The following ADAMTS7 variants were observed in gnomAD, a reference collection of about 807,000 sequenced individuals.
The protein encoded by ADAMTS7 is ADAM metallopeptidase with thrombospondin type 1 motif 7, also known as A disintegrin and metalloproteinase with thrombospondin motifs 7.
In ADAMTS7, 89 loss-of-function variants were observed where a neutral mutation model predicts 172.6. The ratio of observed to expected loss-of-function variants is 0.52; its 90% CI spans 0.43 to 0.61. The LOEUF (loss-of-function observed/expected upper bound fraction) is 0.61. ADAMTS7 is among the 20% of genes least tolerant of loss of function. The pLI is 0.00. For missense variants in ADAMTS7, 1,973 were observed against 2,355.6 expected (o/e 0.84, Z 3.36); for synonymous variants, 885 against 978.4 (o/e 0.90, Z 1.78).
At chr15:78,805,748 A>G (rs1170857204) in intron 1 of ADAMTS7, among the ~76,000 whole-genome samples, 2 of 152,138 alleles carry the variant, frequency 1.3e-5, no homozygotes, top group Non-Finnish European at 2.9e-5. Flanking sequence ...TAGGTGCTCC[A>G]AAGTCCAGGA....
chr15:78,796,318 T>G (rs529844957), intron 4 of ADAMTS7, among the ~76,000 whole-genome samples: 38 of 152,142 alleles, frequency 2.5e-4, no homozygotes, highest in Non-Finnish European at 4.9e-4. Context: ...GGGTTGTGGC[T>G]GCCTCAGTCT....
At chr15:78,781,499 G>C (rs922620026) in intron 8 of ADAMTS7, among the ~76,000 whole-genome samples, 3 of 152,106 alleles carry the variant, frequency 2.0e-5, no homozygotes, top group African/African-American at 7.2e-5. Context: ...GGTTCTCCCC[G>C]GTGCCAAGGC....
At chr15:78,794,796 C>T (rs1330688963) in intron 4 of ADAMTS7, among the ~76,000 whole-genome samples, 3 of 152,334 alleles carry the variant, frequency 2.0e-5, no homozygotes, top group East Asian at 3.9e-4. Flanking sequence ...CAGCTCACTG[C>T]AACCTTCGCC....
chr15:78,800,617 G>A, intron 1 of ADAMTS7, 70 bp from the exon 2 acceptor site: 11 of 1,457,144 alleles, frequency 7.5e-6, no homozygotes, highest in South Asian at 1.2e-5. Flanking sequence ...CCGGGGACCA[G>A]AAGGGAGCGG....
chr15:78,778,401 T>C (rs1156383744), intron 8 of ADAMTS7, among the ~76,000 whole-genome samples: 1 of 152,204 alleles, frequency 6.6e-6, no homozygotes, highest in East Asian at 1.9e-4. Context: ...CCCTCAGGCA[T>C]GCTATTGCTT....
intron 13 of ADAMTS7, 103 bp downstream of exon 13, chr15:78,774,064 A>G (rs963362503): frequency 2.0e-6 from 3 of 1,517,968 alleles, no homozygotes; most frequent in Non-Finnish European, 2.6e-6. Context: ...GGGGCCCGCC[A>G]TGGCCCGAGG....
chr15:78,764,204 C>T lies in ADAMTS7; in HGVS notation c.4420-105G>A, dbSNP rs970556762. 371 of 1,393,968 alleles carry T rather than the reference C, an allele frequency of 2.7e-4. 3 individuals carry two copies. The highest frequency in any genetic ancestry group is 1.8e-3 in the Admixed American group (60 of 32,938). The allele number at this position is 1,393,968 out of a possible 1,614,324, so 86.3% of individuals were successfully genotyped here. ...AGGCATCCAGGCCCACGCCCCAGCC[C>T]GGGGGAATAGCTGAAGAACCCCAGC... On this transcript the variant is annotated intron_variant, in intron 20 of 23. Coordinates refer to ENST00000388820, the MANE Select transcript of ADAMTS7 (RefSeq NM_014272.5).
intron 1 of ADAMTS7, among the ~76,000 whole-genome samples, chr15:78,804,347 C>T (rs2055762363): frequency 6.6e-6 from 1 of 152,190 alleles, no homozygotes; most frequent in Admixed American, 6.5e-5. Flanking sequence ...ATGCTTTCCC[C>T]CCTCTTTTCC....
intron 1 of ADAMTS7, among the ~76,000 whole-genome samples, chr15:78,801,180 G>GTCTTACTCTA (rs1567241848): frequency 2.4e-4 from 37 of 152,254 alleles, no homozygotes; most frequent in African/African-American, 8.7e-4. Flanking sequence ...GTCTTACTCT[G>GTCTTACTCTA]CTCATCGTCT....
chr15:78,786,138 C>A (rs2055499579), intron 8 of ADAMTS7, among the ~76,000 whole-genome samples: 1 of 151,646 alleles, frequency 6.6e-6, no homozygotes, highest in African/African-American at 2.4e-5. Flanking sequence ...CCATGTTGGC[C>A]AGGCTTGTCT....
At chr15:78,779,471 G>T (rs1456779224) in intron 8 of ADAMTS7, among the ~76,000 whole-genome samples, 1 of 152,172 alleles carries the variant, frequency 6.6e-6, no homozygotes, top group Non-Finnish European at 1.5e-5. Context: ...CCAGTGCAGG[G>T]CTCCTCCCAT....
rs2869859 is a variant in ADAMTS7, at chr15:78,782,437, C to G, written c.1323-4849G>C. ...AGGCCAGCATCCTTGCTCTTACATC[C>G]CTAATGGACCTGGTCACATCCCTGC... On this transcript the variant is annotated intron_variant, in intron 8 of 23. Coordinates refer to ENST00000388820, the MANE Select transcript of ADAMTS7 (RefSeq NM_014272.5). Among the ~76,000 whole-genome samples, 979 of 138,348 alleles carry G rather than the reference C, an allele frequency of 7.1e-3. 9 individuals carry two copies. The highest frequency in any genetic ancestry group is 0.024 in the African/African-American group (891 of 36,562). 90.8% of individuals were successfully genotyped at this position (138,348 alleles called of 152,430 possible).
intron 23 of ADAMTS7, among the ~76,000 whole-genome samples, chr15:78,761,746 G>C (rs1481674279): frequency 3.3e-5 from 5 of 151,008 alleles, no homozygotes; most frequent in Non-Finnish European, 1.5e-5. Context: ...GTGTGTTGGC[G>C]TGTGTGTGTG....
chr15:78,773,679 G>A (rs376228093), intron 13 of ADAMTS7, among the ~76,000 whole-genome samples: 5 of 152,042 alleles, frequency 3.3e-5, no homozygotes, highest in Non-Finnish European at 4.4e-5. Flanking sequence ...AGGAGAGGCC[G>A]TCATTGTTAT....
rs2055310435 is a variant in ADAMTS7, at chr15:78,774,670, C to T, written c.1830G>A (p.Met610Ile). ...ATGTGTGCAGCTGGCCCTTGTAGAG[C>T]ATAGCGTCAAAGTGGCTGCACTGGA... ...RHVQCSHFDA[M>I]LYKGQLHTWV... Residue 610 changes from methionine to isoleucine, a missense_variant, in exon 12 of 24, where the codon ATG (methionine) becomes ATA (isoleucine). Physicochemically the swap from Met to Ile is conservative, Grantham distance 10 (BLOSUM62 1). Transcript: ENST00000388820. 2 of 1,611,750 alleles carry T rather than the reference C, an allele frequency of 1.2e-6. No homozygotes were observed. Among genetic ancestry groups the T allele is most frequent in the Non-Finnish European group, 1.7e-6 (2 of 1,179,824 alleles).
chr15:78,765,536 G>C, intron 19 of ADAMTS7, 109 bp downstream of exon 19: 1 of 1,534,746 alleles, frequency 6.5e-7, no homozygotes, highest in East Asian at 2.3e-5. Context: ...CCTGCCCCAA[G>C]AGAGGCTAGA....
Position 78,768,206 on chromosome 15 carries a change from C to G in ADAMTS7, c.2572G>C (p.Glu858Gln), listed in dbSNP as rs767250980. Reference sequence around the variant, plus strand: ...CGGCCCAGGGGGTCACAGTGCTCCTCGTCCACGGGCCCTGCCTGCCGCTCC... The same window carrying G: ...CGGCCCAGGGGGTCACAGTGCTCCTGGTCCACGGGCCCTGCCTGCCGCTCC... ...CLERQAGPVD[E>Q]EHCDPLGRPD... Residue 858 changes from glutamate (E) to glutamine (Q), a missense_variant, in exon 17 of 24, where the codon GAG becomes CAG. By Grantham distance (29) the Glu-to-Gln change is conservative. Transcript: ENST00000388820. The G allele has an allele frequency of 3.7e-6, 6 of 1,610,294 alleles. No homozygotes were observed. The South Asian group carries it at 4.4e-5, about 12-fold the overall frequency.
chr15:78,782,986 A>T (rs1211937640), intron 8 of ADAMTS7, among the ~76,000 whole-genome samples: 1 of 127,708 alleles, frequency 7.8e-6, no homozygotes, highest in Admixed American at 7.6e-5. Context: ...TACAGAGAAA[A>T]GGGGACGAGC....
In ADAMTS7 at chr15:78,765,094, G is replaced by A. The variant is rs376826107; in HGVS notation, c.4267-387C>T. On this transcript the variant is annotated intron_variant, in intron 19 of 23. Transcript: ENST00000388820. Reference sequence around the variant, plus strand: ...CAGCCAAATCGCTGGGTATCCCTGCGCAAAACAAGCCCTGTGGGCCTCAGC... The same window carrying A: ...CAGCCAAATCGCTGGGTATCCCTGCACAAAACAAGCCCTGTGGGCCTCAGC... 2.7e-5 allele frequency: 6 copies of A among 223,364 alleles called. No homozygotes were observed. The East Asian group carries it at 4.3e-4, about 16-fold the overall frequency. The allele number at this position is 223,364 out of a possible 1,614,324, so 13.8% of individuals were successfully genotyped here. A position where few individuals can be genotyped will look rare whatever the true frequency, so the allele number is the denominator to read the frequency against.
Sources: allele counts gnomAD v4.1 joint callset (sites outside exome capture counted in the v4.1 genomes callset), GRCh38; gene constraint gnomAD v4.1.1; transcripts MANE v1.5; gene names NCBI Gene and HGNC (gene_info 2026-07-23, HGNC 2026-07-21).